NNT: variants seen among roughly 807,000 people sequenced by gnomAD.
NNT encodes NAD(P) transhydrogenase, mitochondrial.
NNT carries 50 observed loss-of-function variants against 104.8 expected under a neutral mutation model. The observed-to-expected ratio is 0.48, with a 90% CI of 0.38 to 0.60. The LOEUF (loss-of-function observed/expected upper bound fraction) is 0.60, where lower values mean the gene tolerates loss of function less well. Among genes scored for constraint, NNT ranks in the 20% least tolerant of loss-of-function variants. NNT has a pLI of 0.00. For synonymous variants in NNT, 461 were observed against 490.4 expected, an observed-to-expected ratio of 0.94 and a Z score of 0.79; for missense variants, 1,131 against 1,330.7, an observed-to-expected ratio of 0.85 and a Z score of 2.33.
intron 7 of NNT, among the ~76,000 whole-genome samples, chr5:43,632,549 T>C (rs1750730662): frequency 6.6e-6 from 1 of 152,232 alleles, no homozygotes; most frequent in African/African-American, 2.4e-5. Flanking sequence ...TGCTGCCTGA[T>C]ATCTTAAACC....
chr5:43,669,320 G>T (rs1676723796), intron 17 of NNT, among the ~76,000 whole-genome samples: 1 of 152,038 alleles, frequency 6.6e-6, no homozygotes, highest in Non-Finnish European at 1.5e-5. Context: ...ACACTATGTT[G>T]AATAGGAGTG....
At chr5:43,645,002 A>C (rs189801096) in intron 9 of NNT, among the ~76,000 whole-genome samples, 200 bp downstream of exon 9, 1 of 152,360 alleles carries the variant, frequency 6.6e-6, no homozygotes, top group African/African-American at 2.4e-5. Context: ...TACATGACTT[A>C]ACCAAAAATA....
chr5:43,652,134 A>G (rs760074659), intron 13 of NNT, among the ~76,000 whole-genome samples: 2 of 152,126 alleles, frequency 1.3e-5, no homozygotes, highest in African/African-American at 2.4e-5. Flanking sequence ...GTTTTGATAC[A>G]TTTTTCCACA....
chr5:43,653,941 C>T (rs1033029749), intron 14 of NNT, among the ~76,000 whole-genome samples: 3 of 147,262 alleles, frequency 2.0e-5, no homozygotes, highest in Non-Finnish European at 3.0e-5. Context: ...GGTGACAAAG[C>T]GAGACTCTGT....
At chr5:43,647,247 C>T (rs929796349) in intron 10 of NNT, among the ~76,000 whole-genome samples, 2 of 151,918 alleles carry the variant, frequency 1.3e-5, no homozygotes, top group Admixed American at 6.6e-5. Flanking sequence ...AAGCAGTGTC[C>T]CTACTTGCAC....
Position 43,628,213 on chromosome 5 carries a change from G to T in NNT, c.790G>T (p.Glu264Ter). ...RGFDTRAAAL[E>*]QFKSLGAEPL... ...CAATCACCCTAGAGCTGCAGCTTTG[G>T]AACAGTTCAAGTCTCTTGGTGCTGA... The change falls in exon 7 of 22, where the codon GAA becomes TAA. Residue 264 changes from glutamate (E) to a stop codon, truncating the protein, a stop_gained. Coordinates refer to ENST00000344920, the MANE Select transcript of NNT (RefSeq NM_182977.3). LOFTEE classifies it high-confidence loss of function. 6.2e-7 allele frequency: 1 copy of T among 1,610,636 alleles called. No individual in the cohort carries two copies. Among genetic ancestry groups the T allele is most frequent in the Non-Finnish European group, 8.5e-7 (1 of 1,178,674 alleles).
intron 19 of NNT, among the ~76,000 whole-genome samples, chr5:43,696,391 C>T (rs1033446953): frequency 5.9e-5 from 9 of 152,096 alleles, no homozygotes; most frequent in African/African-American, 1.4e-4. Flanking sequence ...GTAGCTCTGC[C>T]CCTGTGGCTT....
At chr5:43,697,570 A>G (rs141209116) in intron 19 of NNT, among the ~76,000 whole-genome samples, 19 of 152,300 alleles carry the variant, frequency 1.2e-4, no homozygotes, top group Non-Finnish European at 2.2e-4. Context: ...TTACTATATT[A>G]GTCCATTTTC....
At chr5:43,685,385 A>G (rs1374464491) in intron 19 of NNT, among the ~76,000 whole-genome samples, 3 of 152,184 alleles carry the variant, frequency 2.0e-5, no homozygotes. Context: ...AAAACAGAGT[A>G]AAATAAGGGA....
chr5:43,615,745 G>A (rs1579977776), intron 3 of NNT, 103 bp from the exon 4 acceptor site: 5 of 848,020 alleles, frequency 5.9e-6, no homozygotes, highest in South Asian at 5.6e-5. Context: ...TTTATTTCTG[G>A]AGTATTATTT....
At chr5:43,613,992 G>A (rs1749644257) in intron 3 of NNT, among the ~76,000 whole-genome samples, 1 of 152,174 alleles carries the variant, frequency 6.6e-6, no homozygotes, top group Non-Finnish European at 1.5e-5. Flanking sequence ...GCTATTGAAA[G>A]TTAATAGTAA....
chr5:43,658,911 G>T (rs535084474), intron 16 of NNT, among the ~76,000 whole-genome samples: 32 of 152,148 alleles, frequency 2.1e-4, no homozygotes, highest in African/African-American at 7.2e-4. Flanking sequence ...CGCTTCTCCA[G>T]TTTCTGCCTG....
chr5:43,663,908 T>C (rs1057258929), intron 17 of NNT, among the ~76,000 whole-genome samples: 37 of 152,220 alleles, frequency 2.4e-4, no homozygotes, highest in Admixed American at 1.8e-3. Flanking sequence ...ACTTATTTCA[T>C]GTTTTAGAAT....
At chr5:43,645,709 A>ATATATATT (rs1401026662) in intron 10 of NNT, 199 bp downstream of exon 10, 6 of 44,288 alleles carry the variant, frequency 1.4e-4, no homozygotes, top group East Asian at 5.5e-4. Context: ...ATATATATAT[A>ATATATATT]TTTTTTTTTT....
At chr5:43,659,386 G>T in intron 17 of NNT, 36 bp downstream of exon 17, 2 of 1,527,386 alleles carry the variant, frequency 1.3e-6, no homozygotes, top group South Asian at 2.4e-5. Flanking sequence ...AAAAGGAAAT[G>T]GCTTCCTGAA....
chr5:43,678,518 G>T (rs768775223), intron 19 of NNT, among the ~76,000 whole-genome samples: 9 of 152,086 alleles, frequency 5.9e-5, no homozygotes, highest in African/African-American at 2.2e-4. Flanking sequence ...TGGGGAAATC[G>T]GATGTCTTGT....
chr5:43,628,594 T>A (rs186825158), intron 7 of NNT, among the ~76,000 whole-genome samples: 7,321 of 150,780 alleles, frequency 0.049, 261 homozygotes, highest in Middle Eastern at 0.11. Context: ...TGTGAAAAAA[T>A]TTTTTTTTTG....
intron 19 of NNT, among the ~76,000 whole-genome samples, chr5:43,678,770 C>G (rs936676721): frequency 2.6e-5 from 4 of 152,072 alleles, no homozygotes; most frequent in Admixed American, 1.3e-4. Flanking sequence ...CTGGAATGTC[C>G]CAGCTACTAG....
chr5:43,628,368 C>A lies in NNT; in HGVS notation c.945C>A (p.Ile315=). ...AQQCKEVDIL[I]STALIPGKKA... ...AATGCAAGGAGGTAGACATCCTTATCAGCACAGCACTTATTCCAGGTATGC... is the reference window on the plus strand; with the variant it reads ...AATGCAAGGAGGTAGACATCCTTATAAGCACAGCACTTATTCCAGGTATGC... Residue 315 remains isoleucine (I), a synonymous_variant, in exon 7 of 22, where the codon ATC becomes ATA. Coordinates refer to ENST00000344920, the MANE Select transcript of NNT (RefSeq NM_182977.3). 6.2e-7 allele frequency: 1 copy of A among 1,605,584 alleles called. No individual in the cohort carries two copies.
Sources: gnomAD v4.1 joint callset for allele counts (sites outside exome capture counted in the v4.1 genomes callset) on GRCh38, gnomAD v4.1.1 for gene constraint, MANE v1.5 for transcripts, NCBI Gene and HGNC (gene_info 2026-07-23, HGNC 2026-07-21) for gene names.